The following DUSP3 variants were observed in gnomAD, a reference collection of about 807,000 sequenced individuals.
DUSP3 encodes the protein dual specificity phosphatase 3.
In DUSP3, 7 loss-of-function variants were observed where a neutral mutation model predicts 15.5. That is an observed-to-expected ratio of 0.45 (90% CI 0.26 to 0.85). The LOEUF is 0.85. Among genes scored for constraint, DUSP3 ranks in the 40% least tolerant of loss-of-function variants. The probability of loss-of-function intolerance (pLI) is 0.18; values close to 1 mark genes in which losing one functional copy is unlikely to be tolerated. For missense variants in DUSP3, 209 were observed against 251.7 expected (o/e 0.83, Z 1.15); for synonymous variants, 86 against 104.2 (o/e 0.83, Z 1.07).
intron 2 of DUSP3, among the ~76,000 whole-genome samples, chr17:43,771,736 C>T (rs61671584): frequency 0.053 from 8,126 of 152,202 alleles, 680 homozygotes; most frequent in African/African-American, 0.18. Context: ...TGGCCGGACA[C>T]GGTGGCTCAC....
At position 43,768,320 on chromosome 17, in the gene DUSP3, C is replaced by CT. The variant is rs1974265774; in HGVS notation, c.*1288dup. 1 of 152,184 alleles carries CT rather than the reference C, an allele frequency of 6.6e-6. No homozygotes were observed. Among genetic ancestry groups the CT allele is most frequent in the Non-Finnish European group, 1.5e-5 (1 of 68,044 alleles). 9.4% of individuals were successfully genotyped at this position (152,184 alleles called of 1,614,324 possible). A position where few individuals can be genotyped will look rare whatever the true frequency, so the allele number is the denominator to read the frequency against. On this transcript the variant is annotated 3_prime_UTR_variant, in exon 3 of 3. Transcript: ENST00000226004. ...ACAAGACTGTATTTAAAACAAAACTCTTATATTCTGGCAAATGTGCATACA... is the reference window on the plus strand; with the variant it reads ...ACAAGACTGTATTTAAAACAAAACTCTTTATATTCTGGCAAATGTGCATACA...
At chr17:43,776,092 C>G (rs2154590705) in intron 1 of DUSP3, among the ~76,000 whole-genome samples, 1 of 152,116 alleles carries the variant, frequency 6.6e-6, no homozygotes, top group South Asian at 2.1e-4. Context: ...GCACTCTAGC[C>G]TGGGTGACAG....
At chr17:43,777,628 A>G in intron 1 of DUSP3, 2 of 449,770 alleles carry the variant, frequency 4.4e-6, no homozygotes, top group Non-Finnish European at 4.5e-6. Context: ...TGAGTTTTCA[A>G]CATGCCATCC....
intron 1 of DUSP3, 31 bp downstream of exon 1, chr17:43,778,747 GGGCGGGGCGTCCCGAGAGGGAC>G (rs1301948428): frequency 6.9e-7 from 1 of 1,451,012 alleles, no homozygotes. Flanking sequence ...AGCCTCGGGT[GGGCGGGGCGTCCCGAGAGGGAC>G]GGCGGGGCCG....
chr17:43,777,609 G>A (rs1232279812), intron 1 of DUSP3: 3 of 453,488 alleles, frequency 6.6e-6, no homozygotes, highest in Admixed American at 2.4e-5. Context: ...ATGGGAGGAG[G>A]GTTAGTTTTG....
chr17:43,770,887 TAG>T (rs1974308862), intron 2 of DUSP3, among the ~76,000 whole-genome samples: 1 of 151,670 alleles, frequency 6.6e-6, no homozygotes, highest in South Asian at 2.1e-4. Flanking sequence ...GCCTCCTGAG[TAG>T]CTGGGACTAC....
In DUSP3 at chr17:43,769,449, G is replaced by A; in HGVS notation, c.*160C>T. On this transcript the variant is annotated 3_prime_UTR_variant, in exon 3 of 3. Transcript: ENST00000226004. ...CAAGCTTCTTTATGTGCTCCCCAGGGTGGGGAAAGTGGCCCAGGACTGTGT... is the reference window on the plus strand; with the variant it reads ...CAAGCTTCTTTATGTGCTCCCCAGGATGGGGAAAGTGGCCCAGGACTGTGT... The A allele has an allele frequency of 1.3e-6, 1 of 762,564 alleles. No individual in the cohort carries two copies. Among genetic ancestry groups the A allele is most frequent in the Non-Finnish European group, 2.0e-6 (1 of 493,352 alleles). 47.2% of individuals were successfully genotyped at this position (762,564 alleles called of 1,614,324 possible). A position where few individuals can be genotyped will look rare whatever the true frequency, so the allele number is the denominator to read the frequency against.
Position 43,767,395 on chromosome 17 carries a change from C to T in DUSP3, c.*2214G>A, listed in dbSNP as rs997566052. ...AGGGACCCACCCTTTTCACTTGCTT[C>T]TCCGGGGCTGGATTGAGGGTAAGTG... is the stretch of plus-strand genomic sequence containing the variant. On this transcript the variant is annotated 3_prime_UTR_variant, in exon 3 of 3. Transcript: ENST00000226004. 6.5e-6 allele frequency: 1 copy of T among 152,714 alleles called. No individual in the cohort carries two copies. The highest frequency in any genetic ancestry group is 6.5e-5 in the Admixed American group (1 of 15,288). 9.5% of individuals were successfully genotyped at this position (152,714 alleles called of 1,614,324 possible).
intron 1 of DUSP3, 90 bp downstream of exon 1, chr17:43,778,710 A>G (rs1292291704): frequency 5.8e-6 from 8 of 1,380,832 alleles, no homozygotes; most frequent in Non-Finnish European, 1.9e-6. Context: ...GGCTCCCCCA[A>G]CCCAAGACTC....
intron 2 of DUSP3, among the ~76,000 whole-genome samples, chr17:43,774,313 G>T (rs1468149781): frequency 6.6e-6 from 1 of 152,026 alleles, no homozygotes; most frequent in African/African-American, 2.4e-5. Flanking sequence ...GGCCACCATG[G>T]AGCTGCTGAA....
intron 2 of DUSP3, among the ~76,000 whole-genome samples, chr17:43,771,077 C>A (rs1160458942): frequency 6.6e-6 from 1 of 151,264 alleles, no homozygotes; most frequent in Non-Finnish European, 1.5e-5. Context: ...ATCCACAGGG[C>A]AGATTGGCTC....
rs1009493738 is a variant in DUSP3, at chr17:43,768,910, T to C, written c.*699A>G. 1 of 152,224 alleles carries C rather than the reference T, an allele frequency of 6.6e-6. No homozygotes were observed. Among genetic ancestry groups the C allele is most frequent in the Admixed American group, 6.5e-5 (1 of 15,282 alleles). The allele number at this position is 152,224 out of a possible 1,614,324, so 9.4% of individuals were successfully genotyped here. A position where few individuals can be genotyped will look rare whatever the true frequency, so the allele number is the denominator to read the frequency against. On this transcript the variant is annotated 3_prime_UTR_variant, in exon 3 of 3. Coordinates refer to ENST00000226004, the MANE Select transcript of DUSP3 (RefSeq NM_004090.4). Reference sequence around the variant, plus strand: ...AGCAGCAGATTCTGAACTCAAGGCTTCCAAAGATTCACATTTTGAAAACTC... The same window carrying C: ...AGCAGCAGATTCTGAACTCAAGGCTCCCAAAGATTCACATTTTGAAAACTC...
intron 2 of DUSP3, among the ~76,000 whole-genome samples, chr17:43,772,816 G>A (rs1165955197): frequency 6.6e-6 from 1 of 152,154 alleles, no homozygotes; most frequent in Non-Finnish European, 1.5e-5. Flanking sequence ...ACAAGGTGGA[G>A]TTTGCCAGAG....
At position 43,774,942 on chromosome 17, in the gene DUSP3, G is replaced by T; in HGVS notation, c.126-4C>A. ...GGGGATGTCCTGAGCCACAGACCTG[G>T]ACAGGAGACAGTGGTGGGGATGATT... On this transcript the variant is annotated splice_region_variant and splice_polypyrimidine_tract_variant and intron_variant, in intron 1 of 2. Transcript: ENST00000226004. The T allele has an allele frequency of 6.2e-7, 1 of 1,614,130 alleles. No homozygotes were observed. The highest frequency in any genetic ancestry group is 1.1e-5 in the South Asian group (1 of 91,072).
Position 43,767,354 on chromosome 17 carries a change from C to T in DUSP3, c.*2255G>A, listed in dbSNP as rs1369207064. The T allele has an allele frequency of 1.3e-5, 2 of 152,660 alleles. No homozygotes were observed. The highest frequency in any genetic ancestry group is 2.9e-5 in the Non-Finnish European group (2 of 68,102). 9.5% of individuals were successfully genotyped at this position (152,660 alleles called of 1,614,324 possible). A position where few individuals can be genotyped will look rare whatever the true frequency, so the allele number is the denominator to read the frequency against. ...TACATCCCACCTGGAGAAAGAGCTGCACATTCTAGCCTATGAGGGACCCAC... is the reference window on the plus strand; with the variant it reads ...TACATCCCACCTGGAGAAAGAGCTGTACATTCTAGCCTATGAGGGACCCAC... On this transcript the variant is annotated 3_prime_UTR_variant, in exon 3 of 3. Coordinates refer to ENST00000226004, the MANE Select transcript of DUSP3 (RefSeq NM_004090.4).
At chr17:43,770,990 ATGTGTGTG>A (rs71160061) in intron 2 of DUSP3, among the ~76,000 whole-genome samples, 1,859 of 146,404 alleles carry the variant, frequency 0.013, 25 homozygotes, top group African/African-American at 0.028. Flanking sequence ...GTGTATATAT[ATGTGTGTG>A]TGTGTGTGTG....
Position 43,768,101 on chromosome 17 carries a change from G to C in DUSP3, c.*1508C>G, listed in dbSNP as rs978033872. On this transcript the variant is annotated 3_prime_UTR_variant, in exon 3 of 3. Transcript: ENST00000226004. ...CTACCATGAATTCAGTCTTCTGGGA[G>C]CGTGACACACCCACCAGAACAATGC... 1.3e-5 allele frequency: 2 copies of C among 152,174 alleles called. No individual in the cohort carries two copies. The highest frequency in any genetic ancestry group is 4.8e-5 in the African/African-American group (2 of 41,438). 9.4% of individuals were successfully genotyped at this position (152,174 alleles called of 1,614,324 possible). A position where few individuals can be genotyped will look rare whatever the true frequency, so the allele number is the denominator to read the frequency against.
At chr17:43,772,242 A>G (rs989809581) in intron 2 of DUSP3, among the ~76,000 whole-genome samples, 4 of 152,050 alleles carry the variant, frequency 2.6e-5, no homozygotes, top group Admixed American at 2.0e-4. Flanking sequence ...TATTTTCCCA[A>G]TGCCTTCCAA....
At position 43,768,816 on chromosome 17, in the gene DUSP3, AG is replaced by A. The variant is rs1308745401; in HGVS notation, c.*792del. 1 of 152,080 alleles carries A rather than the reference AG, an allele frequency of 6.6e-6. No homozygotes were observed. The highest frequency in any genetic ancestry group is 1.5e-5 in the Non-Finnish European group (1 of 68,000). 9.4% of individuals were successfully genotyped at this position (152,080 alleles called of 1,614,324 possible). ...GTTTTCTAAAAAAGAAAAAAAAAAA[AG>A]CATGCCCAAGGCATCACTCTTCTCA... On this transcript the variant is annotated 3_prime_UTR_variant, in exon 3 of 3. Transcript: ENST00000226004.
Sources: allele counts gnomAD v4.1 joint callset (sites outside exome capture counted in the v4.1 genomes callset), GRCh38; gene constraint gnomAD v4.1.1; transcripts MANE v1.5; gene names NCBI Gene and HGNC (gene_info 2026-07-23, HGNC 2026-07-21).